Variants in CYP27A1 observed in about 807,000 individuals in gnomAD.
The protein encoded by CYP27A1 is sterol 26-hydroxylase, mitochondrial.
A neutral mutation model predicts 58.2 loss-of-function variants in CYP27A1; 46 were observed. The observed-to-expected ratio is 0.79, with a 90% CI of 0.62 to 1.01. The LOEUF (loss-of-function observed/expected upper bound fraction) is 1.01. Ranked by LOEUF, CYP27A1 falls within the 50% of genes least tolerant of loss-of-function variation. The pLI, the probability that CYP27A1 is intolerant of heterozygous loss-of-function variation, is 0.00. For missense variants in CYP27A1, 704 were observed against 687.0 expected, an observed-to-expected ratio of 1.02 and a Z score of -0.28; for synonymous variants, 274 against 285.1, an observed-to-expected ratio of 0.96 and a Z score of 0.39.
chr2:218,813,718 A>T (rs758093744), intron 5 of CYP27A1, among the ~76,000 whole-genome samples: 1 of 151,978 alleles, frequency 6.6e-6, no homozygotes, highest in African/African-American at 2.4e-5. Context: ...GGCATGAGCC[A>T]TTGTGTCCAG....
chr2:218,795,783 TA>T (rs530516375), intron 1 of CYP27A1, among the ~76,000 whole-genome samples: 4 of 152,130 alleles, frequency 2.6e-5, no homozygotes, highest in Non-Finnish European at 5.9e-5. Context: ...TCATTTTTGT[TA>T]AAAAAAATCA....
chr2:218,809,442 C>CGT, intron 1 of CYP27A1, 135 bp from the exon 2 acceptor site: 5 of 370,628 alleles, frequency 1.3e-5, no homozygotes, highest in South Asian at 1.0e-4. Flanking sequence ...ACACAATGCC[C>CGT]TTTTTTTTTT....
At chr2:218,791,244 T>A (rs1224679415) in intron 1 of CYP27A1, among the ~76,000 whole-genome samples, 1 of 152,222 alleles carries the variant, frequency 6.6e-6, no homozygotes. Context: ...ATGATCTTTT[T>A]AAACCATGAT....
chr2:218,785,317 C>A (rs1943431680), intron 1 of CYP27A1, among the ~76,000 whole-genome samples: 1 of 152,140 alleles, frequency 6.6e-6, no homozygotes, highest in South Asian at 2.1e-4. Context: ...ACAGATGAAG[C>A]TTTGCTCACT....
chr2:218,813,871 G>T (rs1396889572), intron 5 of CYP27A1, 150 bp from the exon 6 acceptor site: 2 of 836,678 alleles, frequency 2.4e-6, no homozygotes, highest in African/African-American at 3.4e-5. Flanking sequence ...GTTTAGCATG[G>T]AGACTGCCAT....
chr2:218,796,901 A>G (rs1943552731), intron 1 of CYP27A1, among the ~76,000 whole-genome samples: 2 of 152,222 alleles, frequency 1.3e-5, no homozygotes, highest in South Asian at 4.1e-4. Context: ...GCAATATCCA[A>G]AGTTATCAGA....
At chr2:218,809,047 A>G (rs1417953372) in intron 1 of CYP27A1, among the ~76,000 whole-genome samples, 1 of 152,028 alleles carries the variant, frequency 6.6e-6, no homozygotes, top group Non-Finnish European at 1.5e-5. Context: ...TTACTTACTT[A>G]TTTTTGGACC....
At chr2:218,786,975 G>C (rs1472436980) in intron 1 of CYP27A1, among the ~76,000 whole-genome samples, 1 of 151,718 alleles carries the variant, frequency 6.6e-6, no homozygotes, top group Non-Finnish European at 1.5e-5. Context: ...TTCTATTTTT[G>C]GTAGAAAGAG....
chr2:218,807,693 A>G (rs1244744763), intron 1 of CYP27A1, among the ~76,000 whole-genome samples: 1 of 151,846 alleles, frequency 6.6e-6, no homozygotes, highest in Non-Finnish European at 1.5e-5. Context: ...TCATGGCTCA[A>G]TGCAGCTTTG....
Position 218,812,635 on chromosome 2 carries a change from A to G in CYP27A1, c.730A>G (p.Ile244Val), listed in dbSNP as rs772998032. The G allele has an allele frequency of 6.2e-6, 10 of 1,614,180 alleles. No individual in the cohort carries two copies. The South Asian group carries it at 8.8e-5, about 14-fold the overall frequency. Residue 244 changes from isoleucine (I) to valine (V), a missense_variant, in exon 4 of 9, where the codon ATC becomes GTC. Physicochemically the swap from Ile to Val is conservative, Grantham distance 29. Transcript: ENST00000258415. ...GGACACCGTGACCTTCGTCAGATCC[A>G]TCGGGTTAATGTTCCAGAACTCACT... Reference protein sequence around the residue: ...PEDTVTFVRSIGLMFQNSLYA... With the variant: ...PEDTVTFVRSVGLMFQNSLYA...
intron 1 of CYP27A1, among the ~76,000 whole-genome samples, chr2:218,786,939 C>T (rs901609988): frequency 6.6e-6 from 1 of 152,094 alleles, no homozygotes; most frequent in Non-Finnish European, 1.5e-5. Flanking sequence ...GGACCACAGG[C>T]ATGCACCACC....
In CYP27A1 at chr2:218,814,433, T is replaced by A. The variant is rs587778783; in HGVS notation, c.1238T>A (p.Val413Asp). ...CGGATCATAGAAAAGGAAATTGAAG[T>A]TGATGGCTTCCTCTTCCCCAAGAAC... ...NSRIIEKEIE[V>D]DGFLFPKNTQ... The change falls in exon 7 of 9, where the codon GTT becomes GAT. Residue 413 changes from valine (V) to aspartate (D), a missense_variant. By Grantham distance (152) the Val-to-Asp change is radical (BLOSUM62 -3). Transcript: ENST00000258415. 1 of 1,614,212 alleles carries A rather than the reference T, an allele frequency of 6.2e-7. No individual in the cohort carries two copies. The highest frequency in any genetic ancestry group is 2.2e-5 in the East Asian group (1 of 44,884).
chr2:218,792,384 T>C (rs1259015838), intron 1 of CYP27A1, among the ~76,000 whole-genome samples: 1 of 152,222 alleles, frequency 6.6e-6, no homozygotes, highest in East Asian at 1.9e-4. Context: ...GCAAGGTGTT[T>C]TTTTTGGTAT....
At chr2:218,796,175 C>T (rs1227566857) in intron 1 of CYP27A1, among the ~76,000 whole-genome samples, 1 of 152,198 alleles carries the variant, frequency 6.6e-6, no homozygotes, top group Non-Finnish European at 1.5e-5. Flanking sequence ...AGCTTGACTC[C>T]TTAAAGGGAA....
At chr2:218,783,195 T>C (rs749979683) in intron 1 of CYP27A1, among the ~76,000 whole-genome samples, 14 of 143,270 alleles carry the variant, frequency 9.8e-5, no homozygotes, top group Non-Finnish European at 1.9e-4. Flanking sequence ...AGGTAGAGGT[T>C]GTGGTGAGCC....
intron 2 of CYP27A1, 50 bp downstream of exon 2, chr2:218,809,817 G>A (rs1309147965): frequency 1.9e-6 from 3 of 1,557,418 alleles, no homozygotes; most frequent in African/African-American, 2.7e-5. Flanking sequence ...GGGCCAGGGC[G>A]AAAGACAGTG....
intron 1 of CYP27A1, among the ~76,000 whole-genome samples, chr2:218,804,754 C>T (rs1407521427): frequency 2.0e-5 from 3 of 152,172 alleles, no homozygotes; most frequent in African/African-American, 7.2e-5. Flanking sequence ...TGTTTCACCT[C>T]CTTGGTTAAA....
intron 1 of CYP27A1, among the ~76,000 whole-genome samples, chr2:218,787,074 A>C (rs192333411): frequency 2.0e-5 from 3 of 152,300 alleles, no homozygotes; most frequent in South Asian, 4.1e-4. Flanking sequence ...TATAGGCATA[A>C]ATTACTGTAC....
intron 1 of CYP27A1, among the ~76,000 whole-genome samples, chr2:218,784,066 T>G (rs1943419964): frequency 6.6e-6 from 1 of 151,988 alleles, no homozygotes; most frequent in African/African-American, 2.4e-5. Flanking sequence ...GAGAGGCAGA[T>G]CTGAGCCACA....
Sources: gnomAD v4.1 joint callset for allele counts (sites outside exome capture counted in the v4.1 genomes callset) on GRCh38, gnomAD v4.1.1 for gene constraint, MANE v1.5 for transcripts, NCBI Gene and HGNC (gene_info 2026-07-23, HGNC 2026-07-21) for gene names.